Variants in THADA observed in about 807,000 individuals in gnomAD.
The protein encoded by THADA is tRNA (32-2'-O)-methyltransferase regulator THADA.
THADA carries 213 observed loss-of-function variants against 219.8 expected under a neutral mutation model. The observed-to-expected ratio is 0.97, with a 90% confidence interval of 0.87 to 1.09. The LOEUF (loss-of-function observed/expected upper bound fraction) is 1.09, where lower values mean the gene tolerates loss of function less well. THADA is among the 50% of genes least tolerant of loss of function. The probability of loss-of-function intolerance (pLI) is 0.00; values close to 1 mark genes in which losing one functional copy is unlikely to be tolerated. For missense variants in THADA, 2,956 were observed against 2,311.3 expected (o/e 1.28, Z -5.72); for synonymous variants, 1,018 against 828.9 (o/e 1.23, Z -3.92).
chr2:43,583,828 C>T (rs1469054165), intron 7 of THADA, among the ~76,000 whole-genome samples: 4 of 151,912 alleles, frequency 2.6e-5, no homozygotes, highest in Admixed American at 6.6e-5. Context: ...GGACTGCTTG[C>T]GCTTAAGAGT....
chr2:43,322,904 T>G (rs1292599668), intron 30 of THADA, among the ~76,000 whole-genome samples: 1 of 151,924 alleles, frequency 6.6e-6, no homozygotes, highest in African/African-American at 2.4e-5. Flanking sequence ...GCCAGGATGG[T>G]TTCGATCTCC....
intron 11 of THADA, 62 bp from the exon 12 acceptor site, chr2:43,573,054 G>T: frequency 7.8e-7 from 1 of 1,280,678 alleles, no homozygotes; most frequent in Non-Finnish European, 1.0e-6. Context: ...ATTATCAGCT[G>T]CTAATTTTCA....
At chr2:43,394,307 A>G (rs1449137893) in intron 29 of THADA, among the ~76,000 whole-genome samples, 2 of 152,222 alleles carry the variant, frequency 1.3e-5, no homozygotes, top group African/African-American at 2.4e-5. Flanking sequence ...TCTTTCTTCC[A>G]TAGTCCCAGA....
At chr2:43,514,521 T>C (rs980181327) in intron 22 of THADA, among the ~76,000 whole-genome samples, 1 of 136,012 alleles carries the variant, frequency 7.4e-6, no homozygotes, top group African/African-American at 2.7e-5. Context: ...ATATAATATA[T>C]AATATACATA....
intron 28 of THADA, among the ~76,000 whole-genome samples, chr2:43,423,059 A>C (rs1481351347): frequency 1.3e-5 from 2 of 152,208 alleles, no homozygotes; most frequent in Non-Finnish European, 2.9e-5. Context: ...TGCCCAATTT[A>C]AGAACACATC....
intron 36 of THADA, among the ~76,000 whole-genome samples, chr2:43,252,195 CT>C (rs1222585463): frequency 6.6e-6 from 1 of 152,172 alleles, no homozygotes; most frequent in African/African-American, 2.4e-5. Context: ...CCAGTATTTG[CT>C]TTCACCATTT....
chr2:43,292,788 G>C (rs1036773076), intron 32 of THADA, 46 bp downstream of exon 32: 1 of 1,573,290 alleles, frequency 6.4e-7, no homozygotes, highest in Non-Finnish European at 8.6e-7. Flanking sequence ...GCTCACAAAA[G>C]AATGTGGGGA....
chr2:43,392,858 C>A (rs1418304361), intron 29 of THADA, among the ~76,000 whole-genome samples: 1 of 152,208 alleles, frequency 6.6e-6, no homozygotes, highest in Admixed American at 6.5e-5. Context: ...CAAAGGCAAA[C>A]TCCTTGTGTT....
At chr2:43,455,549 C>T (rs1325678467) in intron 26 of THADA, among the ~76,000 whole-genome samples, 2 of 151,984 alleles carry the variant, frequency 1.3e-5, no homozygotes, top group Non-Finnish European at 2.9e-5. Context: ...CACAAACACA[C>T]ACAACAATGC....
At chr2:43,305,623 A>G (rs1018487084) in intron 31 of THADA, among the ~76,000 whole-genome samples, 1 of 152,132 alleles carries the variant, frequency 6.6e-6, no homozygotes, top group African/African-American at 2.4e-5. Context: ...TCTAAAGACT[A>G]TCCTGGCAGC....
chr2:43,591,700 C>G (rs1159691565), intron 3 of THADA, among the ~76,000 whole-genome samples: 1 of 152,036 alleles, frequency 6.6e-6, no homozygotes, highest in Non-Finnish European at 1.5e-5. Context: ...TTTATCTCCA[C>G]AAAAGAGGTA....
rs183844032 is a variant in THADA at position 43,540,208 on chromosome 2, C to T, written c.3264+951G>A. ...ACTGCAAGTAACTCTAGGACACTGA[C>T]GCCTATTTGATTTGGAAGAGAATAA... On this transcript the variant is annotated intron_variant, in intron 21 of 37. Transcript: ENST00000405975. Among the ~76,000 whole-genome samples, 10 of 152,308 alleles carry T rather than the reference C, an allele frequency of 6.6e-5. No homozygotes were observed. In the East Asian group the frequency reaches 1.2e-3, roughly 18 times the overall value.
rs555762552 is a variant in THADA at position 43,468,615 on chromosome 2, C to T, written c.3836+16619G>A. ...CTGCTACCAAAGCTACTCAATTATA[C>T]TCAATCAGCATTTACACAGCGCTTT... On this transcript the variant is annotated intron_variant, in intron 26 of 37. Coordinates refer to ENST00000405975, the MANE Select transcript of THADA (RefSeq NM_022065.5). Among the ~76,000 whole-genome samples, 6 of 152,264 alleles carry T rather than the reference C, an allele frequency of 3.9e-5. No individual in the cohort carries two copies. In the East Asian group the frequency reaches 1.2e-3, roughly 29 times the overall value.
intron 29 of THADA, among the ~76,000 whole-genome samples, chr2:43,382,193 A>C (rs964375548): frequency 6.6e-6 from 1 of 152,198 alleles, no homozygotes; most frequent in Non-Finnish European, 1.5e-5. Context: ...AACAGAAAAA[A>C]GACAGTAGGT....
intron 36 of THADA, among the ~76,000 whole-genome samples, chr2:43,246,133 C>A (rs965478508): frequency 6.6e-6 from 1 of 151,772 alleles, no homozygotes; most frequent in Non-Finnish European, 1.5e-5. Context: ...GCTTACTAGG[C>A]GCCCACCTCC....
In THADA at chr2:43,387,724, A is replaced by G. The variant is rs939486083; in HGVS notation, c.4227+10247T>C. Among the ~76,000 whole-genome samples the G allele has an allele frequency of 3.9e-5, 6 of 152,270 alleles. No homozygotes were observed. The South Asian group carries it at 1.2e-3, about 32-fold the overall frequency. On this transcript the variant is annotated intron_variant, in intron 29 of 37. Coordinates refer to ENST00000405975, the MANE Select transcript of THADA (RefSeq NM_022065.5). ...AGACATTTTTGGTTGTTGTTGTCACAAATGAAGGAGGGGTGCTACCAAACA... is the reference window on the plus strand; with the variant it reads ...AGACATTTTTGGTTGTTGTTGTCACGAATGAAGGAGGGGTGCTACCAAACA...
intron 26 of THADA, among the ~76,000 whole-genome samples, chr2:43,462,341 G>A (rs911031167): frequency 1.3e-5 from 2 of 152,124 alleles, no homozygotes; most frequent in Non-Finnish European, 2.9e-5. Context: ...CATTTGAAAA[G>A]TATAAAGAGA....
chr2:43,501,749 G>T (rs1258801029), intron 24 of THADA, among the ~76,000 whole-genome samples: 1 of 152,160 alleles, frequency 6.6e-6, no homozygotes, highest in Non-Finnish European at 1.5e-5. Context: ...TTCAAGACCA[G>T]TCTGGCCAAC....
chr2:43,312,152 G>A (rs553426336), intron 31 of THADA, among the ~76,000 whole-genome samples: 17 of 151,664 alleles, frequency 1.1e-4, no homozygotes, highest in Non-Finnish European at 8.8e-5. Context: ...CCATGAGGTT[G>A]AGGCTGCAGC....
Sources: gnomAD v4.1 joint callset for allele counts (sites outside exome capture counted in the v4.1 genomes callset) on GRCh38, gnomAD v4.1.1 for gene constraint, MANE v1.5 for transcripts, NCBI Gene and HGNC (gene_info 2026-07-23, HGNC 2026-07-21) for gene names.